The following CSMD3 variants were observed in gnomAD, a reference collection of about 807,000 sequenced individuals.
CSMD3 encodes CUB and sushi domain-containing protein 3.
A neutral mutation model predicts 435.2 loss-of-function variants in CSMD3; 177 were observed. That is an observed-to-expected ratio of 0.41 (90% confidence interval 0.36 to 0.46). The LOEUF (loss-of-function observed/expected upper bound fraction) is 0.46, where lower values mean the gene tolerates loss of function less well. CSMD3 is among the 20% of genes least tolerant of loss of function. The pLI, the probability that CSMD3 is intolerant of heterozygous loss-of-function variation, is 0.34. For missense variants in CSMD3, 4,265 were observed against 4,504.6 expected, an observed-to-expected ratio of 0.95 and a Z score of 1.52; for synonymous variants, 1,656 against 1,520.5, an observed-to-expected ratio of 1.09 and a Z score of -2.07.
chr8:113,087,028 A>C lies in CSMD3; in HGVS notation c.917+11728T>G, dbSNP rs1409410456. Among the ~76,000 whole-genome samples, 3 of 152,112 alleles carry C rather than the reference A, an allele frequency of 2.0e-5. No homozygotes were observed. The East Asian group carries it at 5.8e-4, about 29-fold the overall frequency. ...TCGCATAGCAAATGAAAGACACCTGATTCTCTCTCTCTCACACTTCTGCAA... is the reference window on the plus strand; with the variant it reads ...TCGCATAGCAAATGAAAGACACCTGCTTCTCTCTCTCTCACACTTCTGCAA... On this transcript the variant is annotated intron_variant, in intron 5 of 70. Transcript: ENST00000297405.
intron 3 of CSMD3, among the ~76,000 whole-genome samples, chr8:113,179,697 ATAAG>A (rs1029031990): frequency 1.1e-4 from 17 of 151,878 alleles, no homozygotes; most frequent in Admixed American, 4.6e-4. Flanking sequence ...CAAAAGGAAA[ATAAG>A]TAAGTTTAAA....
intron 13 of CSMD3, among the ~76,000 whole-genome samples, chr8:112,749,362 G>A (rs187997093): frequency 9.9e-5 from 15 of 152,082 alleles, no homozygotes; most frequent in Admixed American, 4.6e-4. Context: ...CCATTTGACA[G>A]GTTTTGCTTT....
At chr8:112,413,860 T>A (rs1242771976) in intron 32 of CSMD3, among the ~76,000 whole-genome samples, 4 of 152,186 alleles carry the variant, frequency 2.6e-5, no homozygotes, top group Non-Finnish European at 5.9e-5. Flanking sequence ...TCTGTGTCTG[T>A]CTTTGCATTG....
At chr8:113,191,189 C>T (rs2092579879) in intron 3 of CSMD3, among the ~76,000 whole-genome samples, 1 of 151,786 alleles carries the variant, frequency 6.6e-6, no homozygotes, top group Non-Finnish European at 1.5e-5. Flanking sequence ...CGTGGGCATA[C>T]ATGTTCATAC....
chr8:112,973,392 A>G (rs2084730719), intron 7 of CSMD3, among the ~76,000 whole-genome samples: 1 of 151,932 alleles, frequency 6.6e-6, no homozygotes, highest in Non-Finnish European at 1.5e-5. Context: ...TACTTTGATC[A>G]GAATTCATTT....
At chr8:112,712,799 A>T (rs929652084) in intron 13 of CSMD3, among the ~76,000 whole-genome samples, 37 of 150,756 alleles carry the variant, frequency 2.5e-4, no homozygotes, top group Non-Finnish European at 5.3e-4. Flanking sequence ...CAAAAATAAA[A>T]AAAAAAAAAA....
chr8:112,904,293 C>A (rs2082193244), intron 10 of CSMD3, among the ~76,000 whole-genome samples: 1 of 151,362 alleles, frequency 6.6e-6, no homozygotes, highest in Non-Finnish European at 1.5e-5. Flanking sequence ...AAGTTCTTAT[C>A]ACAAAATAAT....
At chr8:112,709,472 T>C (rs1037781354) in intron 13 of CSMD3, among the ~76,000 whole-genome samples, 2 of 151,850 alleles carry the variant, frequency 1.3e-5, no homozygotes, top group Non-Finnish European at 2.9e-5. Context: ...TAACAAACAA[T>C]CAGAATAAAC....
At chr8:112,794,710 A>G (rs943229175) in intron 13 of CSMD3, among the ~76,000 whole-genome samples, 1 of 152,168 alleles carries the variant, frequency 6.6e-6, no homozygotes, top group Non-Finnish European at 1.5e-5. Context: ...TCACTAGTAC[A>G]AAAAGAAAGA....
At chr8:112,676,333 G>A (rs1229204925) in intron 16 of CSMD3, among the ~76,000 whole-genome samples, 1 of 152,046 alleles carries the variant, frequency 6.6e-6, no homozygotes, top group East Asian at 1.9e-4. Context: ...CCAAAATGTA[G>A]CTCTGGGACA....
intron 37 of CSMD3, among the ~76,000 whole-genome samples, chr8:112,381,713 C>T (rs1334078542): frequency 2.0e-5 from 3 of 152,110 alleles, no homozygotes; most frequent in African/African-American, 7.2e-5. Flanking sequence ...CTTAAAAGGT[C>T]ATTTCACCTG....
At chr8:113,267,592 G>T (rs145081022) in intron 3 of CSMD3, among the ~76,000 whole-genome samples, 1 of 151,568 alleles carries the variant, frequency 6.6e-6, no homozygotes, top group African/African-American at 2.4e-5. Context: ...AAACTTGGAA[G>T]GGTGAATGGG....
intron 10 of CSMD3, among the ~76,000 whole-genome samples, chr8:112,898,631 T>C (rs181568721): frequency 6.6e-6 from 1 of 151,344 alleles, no homozygotes; most frequent in Admixed American, 6.6e-5. Flanking sequence ...TGGGTTTCAA[T>C]ATTAAAATAA....
intron 3 of CSMD3, among the ~76,000 whole-genome samples, chr8:113,186,408 G>T (rs892452084): frequency 2.0e-5 from 3 of 151,974 alleles, no homozygotes; most frequent in African/African-American, 7.2e-5. Flanking sequence ...ACCTTGTTTA[G>T]TCAAAGTAGC....
At chr8:112,486,815 A>G (rs1026682016) in intron 31 of CSMD3, among the ~76,000 whole-genome samples, 4 of 152,134 alleles carry the variant, frequency 2.6e-5, no homozygotes, top group Admixed American at 1.3e-4. Flanking sequence ...GACTTTACCT[A>G]TCTGTATCTC....
intron 5 of CSMD3, among the ~76,000 whole-genome samples, chr8:113,059,610 A>G (rs1056286312): frequency 6.6e-6 from 1 of 152,206 alleles, no homozygotes; most frequent in Non-Finnish European, 1.5e-5. Flanking sequence ...AAATTTGAAA[A>G]GTGGCTTAAA....
intron 16 of CSMD3, among the ~76,000 whole-genome samples, chr8:112,666,760 T>A (rs1467352456): frequency 1.3e-5 from 2 of 152,142 alleles, no homozygotes; most frequent in Non-Finnish European, 2.9e-5. Context: ...TAGCTTTGGT[T>A]TCTTTCTCTT....
intron 45 of CSMD3, among the ~76,000 whole-genome samples, chr8:112,328,228 T>C (rs1189204193): frequency 6.6e-6 from 1 of 152,214 alleles, no homozygotes; most frequent in Non-Finnish European, 1.5e-5. Flanking sequence ...TTATGTTCTG[T>C]TATGCAGTTT....
At position 112,566,058 on chromosome 8, in the gene CSMD3, C is replaced by G. The variant is rs1424068769; in HGVS notation, c.4042+7443G>C. Among the ~76,000 whole-genome samples the G allele has an allele frequency of 3.6e-5, 5 of 139,632 alleles. No homozygotes were observed. The East Asian group carries it at 1.1e-3, about 29-fold the overall frequency. The allele number at this position is 139,632 out of a possible 152,430, so 91.6% of individuals were successfully genotyped here. On this transcript the variant is annotated intron_variant, in intron 24 of 70. Transcript: ENST00000297405. ...TCTCTCTCTTTTTTTTTTTTTTACT[C>G]TTACCTGGACAGTTTTAAAAATACA...
Sources: gnomAD v4.1 joint callset for allele counts (sites outside exome capture counted in the v4.1 genomes callset) on GRCh38, gnomAD v4.1.1 for gene constraint, MANE v1.5 for transcripts, NCBI Gene and HGNC (gene_info 2026-07-23, HGNC 2026-07-21) for gene names.